The following GPD2 variants were observed in gnomAD, a reference collection of about 807,000 sequenced individuals.
GPD2 encodes glycerol-3-phosphate dehydrogenase, mitochondrial.
A neutral mutation model predicts 82.4 loss-of-function variants in GPD2; 54 were observed. That is an observed-to-expected ratio of 0.66 (90% confidence interval 0.53 to 0.82). The LOEUF is 0.82. Among genes scored for constraint, GPD2 ranks in the 40% least tolerant of loss-of-function variants. The pLI is 0.00. For missense variants in GPD2, 748 were observed against 896.2 expected (o/e 0.83, Z 2.11); for synonymous variants, 288 against 306.1 (o/e 0.94, Z 0.62).
At chr2:156,402,467 A>C in the GPD2 span, among the ~76,000 whole-genome samples, 702 of 152,298 alleles carry the variant, frequency 4.6e-3, 6 homozygotes, top group African/African-American at 0.016. Flanking sequence ...AACAAGGTCA[A>C]CTCATTTTAC....
At chr2:156,468,386 G>A (rs367744546) in intron 1 of GPD2, among the ~76,000 whole-genome samples, 3 of 152,198 alleles carry the variant, frequency 2.0e-5, no homozygotes, top group Non-Finnish European at 2.9e-5. Context: ...ATTTGTATGC[G>A]AGTGTGAGGC....
chr2:156,429,606 A>C, the GPD2 span, among the ~76,000 whole-genome samples: 2 of 152,344 alleles, frequency 1.3e-5, 1 homozygote, highest in East Asian at 3.9e-4. Context: ...CATTTATTTT[A>C]AGAATACATT....
intron 6 of GPD2, among the ~76,000 whole-genome samples, chr2:156,519,247 T>C (rs1685307226): frequency 6.6e-6 from 1 of 152,190 alleles, no homozygotes; most frequent in Non-Finnish European, 1.5e-5. Flanking sequence ...TTATTTTATT[T>C]CTTTGATAAT....
intron 6 of GPD2, among the ~76,000 whole-genome samples, chr2:156,537,521 T>C (rs1686128154): frequency 6.6e-6 from 1 of 152,192 alleles, no homozygotes; most frequent in Admixed American, 6.5e-5. Context: ...TAAAACTAAG[T>C]CATACGTTTT....
chr2:156,575,403 T>C (rs1390613979), intron 13 of GPD2, among the ~76,000 whole-genome samples: 1 of 928 alleles, frequency 1.1e-3, no homozygotes, highest in African/African-American at 1.7e-3. Context: ...TTTTCTTTTC[T>C]TTTTTTTTTT....
intron 3 of GPD2, 109 bp from the exon 4 acceptor site, chr2:156,510,687 G>C: frequency 1.2e-6 from 1 of 855,176 alleles, no homozygotes. Flanking sequence ...ATTTATCCAT[G>C]TTCAGAGTAA....
At chr2:156,532,275 G>A (rs1240658424) in intron 6 of GPD2, among the ~76,000 whole-genome samples, 1 of 152,172 alleles carries the variant, frequency 6.6e-6, no homozygotes, top group Admixed American at 6.5e-5. Flanking sequence ...CCAAAGTGCT[G>A]GGATTACAGA....
At chr2:156,433,263 G>A (rs1352263334), upstream of GPD2, among the ~76,000 whole-genome samples, 1 of 152,118 alleles carries the variant, frequency 6.6e-6, no homozygotes, top group African/African-American at 2.4e-5. Flanking sequence ...TGCCTTTGTA[G>A]GACTAACAGC....
intron 2 of GPD2, among the ~76,000 whole-genome samples, chr2:156,492,924 G>T (rs761879352): frequency 9.2e-5 from 14 of 152,198 alleles, no homozygotes; most frequent in Admixed American, 2.0e-4. Flanking sequence ...GGTCAATTTT[G>T]AGATATATGT....
intron 1 of GPD2, among the ~76,000 whole-genome samples, chr2:156,454,558 GT>G (rs1315952366): frequency 6.6e-6 from 1 of 151,996 alleles, no homozygotes; most frequent in Non-Finnish European, 1.5e-5. Flanking sequence ...AGTGTTATTA[GT>G]GTTCAGCATC....
intron 2 of GPD2, among the ~76,000 whole-genome samples, chr2:156,489,601 A>G (rs1338474763): frequency 1.3e-5 from 2 of 152,170 alleles, no homozygotes; most frequent in South Asian, 2.1e-4. Flanking sequence ...GAAGGCCTCC[A>G]CAAAATACTG....
chr2:156,445,688 G>A (rs181275618), intron 1 of GPD2, among the ~76,000 whole-genome samples: 23 of 152,296 alleles, frequency 1.5e-4, no homozygotes, highest in African/African-American at 4.8e-4. Flanking sequence ...TATGTGTATT[G>A]GAGATGTATA....
chr2:156,580,733 G>A (rs1687998366), intron 16 of GPD2, among the ~76,000 whole-genome samples: 1 of 152,188 alleles, frequency 6.6e-6, no homozygotes, highest in Non-Finnish European at 1.5e-5. Context: ...CTCTGGAGAT[G>A]AGCTGCAGAT....
chr2:156,420,175 A>C, the GPD2 span, among the ~76,000 whole-genome samples: 1 of 151,954 alleles, frequency 6.6e-6, no homozygotes, highest in African/African-American at 2.4e-5. Flanking sequence ...TATCAGATTT[A>C]TTTCTTTCCT....
chr2:156,583,368 A>G lies in GPD2; in HGVS notation c.*450A>G, dbSNP rs1233698142. On this transcript the variant is annotated 3_prime_UTR_variant, in exon 17 of 17. Coordinates refer to ENST00000438166, the MANE Select transcript of GPD2 (RefSeq NM_000408.5). ...TCATGTTTCTGGAGAAATTAAGCTT[A>G]TAGACAGCATGTGTTATTAAAAAGA... 1 of 214,806 alleles carries G rather than the reference A, an allele frequency of 4.7e-6. No individual in the cohort carries two copies. The highest frequency in any genetic ancestry group is 1.1e-4 in the East Asian group (1 of 8,924). The allele number at this position is 214,806 out of a possible 1,614,324, so 13.3% of individuals were successfully genotyped here. A position where few individuals can be genotyped will look rare whatever the true frequency, so the allele number is the denominator to read the frequency against.
rs1238629551 is a variant in GPD2 at position 156,578,968 on chromosome 2, C to T, written c.1847C>T (p.Ser616Phe). ...KSRSEQLTDR[S>F]EISLLPSDID... The stretch of plus-strand genomic sequence containing the variant: ...CGATCAGAACAGTTAACAGATCGCT[C>T]TGAAATTAGCCTACTGCCTTCAGAC... Residue 616 changes from serine (S) to phenylalanine (F), a missense_variant, in exon 14 of 17, where the codon TCT becomes TTT. Around this residue, in one of 3 missense-constraint regions of GPD2, gnomAD observed 692 missense variants for 809.7 expected, o/e 0.85. Coordinates refer to ENST00000438166, the MANE Select transcript of GPD2 (RefSeq NM_000408.5). 4 of 1,609,424 alleles carry T rather than the reference C, an allele frequency of 2.5e-6. No individual in the cohort carries two copies. The highest frequency in any genetic ancestry group is 2.6e-6 in the Non-Finnish European group (3 of 1,176,048).
At chr2:156,563,678 C>T (rs184169219) in intron 9 of GPD2, among the ~76,000 whole-genome samples, 29 of 152,258 alleles carry the variant, frequency 1.9e-4, no homozygotes, top group Middle Eastern at 3.4e-3. Flanking sequence ...ATTTTATTCT[C>T]ATGAGCAAAG....
At chr2:156,433,409 C>T (rs1266731752), upstream of GPD2, among the ~76,000 whole-genome samples, 3 of 152,106 alleles carry the variant, frequency 2.0e-5, no homozygotes, top group African/African-American at 7.2e-5. Context: ...TAAACTGACT[C>T]CTCTGACCTT....
intron 6 of GPD2, among the ~76,000 whole-genome samples, chr2:156,527,892 T>C (rs755706615): frequency 6.6e-6 from 1 of 152,148 alleles, no homozygotes; most frequent in East Asian, 1.9e-4. Context: ...GTGTTTTATT[T>C]TCCTTAAGAA....
Sources: gnomAD v4.1 joint callset for allele counts (sites outside exome capture counted in the v4.1 genomes callset) on GRCh38, gnomAD v4.1.1 for gene constraint, gnomAD v4.1.1 regional missense constraint, MANE v1.5 for transcripts, NCBI Gene and HGNC (gene_info 2026-07-23, HGNC 2026-07-21) for gene names.